PRKCA: variants seen among roughly 807,000 people sequenced by gnomAD.
The protein encoded by PRKCA is protein kinase C alpha.
Under a neutral mutation model 87.0 loss-of-function variants are expected in PRKCA, and 27 were observed. The observed-to-expected ratio is 0.31, with a 90% CI of 0.23 to 0.43. The LOEUF (loss-of-function observed/expected upper bound fraction) is 0.43. Ranked by LOEUF, PRKCA falls within the 20% of genes least tolerant of loss-of-function variation. The pLI, the probability that PRKCA is intolerant of heterozygous loss-of-function variation, is 1.00. For synonymous variants in PRKCA, 329 were observed against 311.1 expected, an observed-to-expected ratio of 1.06 and a Z score of -0.61; for missense variants, 518 against 852.3, an observed-to-expected ratio of 0.61 and a Z score of 4.88.
chr17:66,511,829 C>T (rs1917244568), intron 3 of PRKCA, among the ~76,000 whole-genome samples: 1 of 151,984 alleles, frequency 6.6e-6, no homozygotes. Flanking sequence ...TACAGGTGCA[C>T]ACCACCACAC....
At chr17:66,731,914 C>T (rs1420726913) in intron 8 of PRKCA, among the ~76,000 whole-genome samples, 1 of 151,000 alleles carries the variant, frequency 6.6e-6, no homozygotes, top group Non-Finnish European at 1.5e-5. Context: ...CTCAGCCTCC[C>T]ACGTAGCTGG....
chr17:66,443,992 C>T (rs1271475183), intron 2 of PRKCA, among the ~76,000 whole-genome samples: 1 of 152,128 alleles, frequency 6.6e-6, no homozygotes, highest in Non-Finnish European at 1.5e-5. Flanking sequence ...CTCCGCCTCA[C>T]GAGCCTCAGA....
intron 3 of PRKCA, among the ~76,000 whole-genome samples, chr17:66,584,375 C>T (rs959248676): frequency 1.3e-5 from 2 of 152,058 alleles, no homozygotes; most frequent in African/African-American, 4.8e-5. Context: ...GTGCCCGCCA[C>T]CATGCCCAGC....
intron 2 of PRKCA, among the ~76,000 whole-genome samples, chr17:66,490,873 T>C (rs1346888615): frequency 6.6e-6 from 1 of 152,212 alleles, no homozygotes; most frequent in African/African-American, 2.4e-5. Flanking sequence ...GACCCACCGC[T>C]CCTGGCTGTA....
chr17:66,546,217 G>A (rs1968140858), intron 3 of PRKCA, among the ~76,000 whole-genome samples: 1 of 152,164 alleles, frequency 6.6e-6, no homozygotes, highest in South Asian at 2.1e-4. Context: ...CCTTTTATTT[G>A]CATTCAGTTC....
intron 3 of PRKCA, among the ~76,000 whole-genome samples, chr17:66,557,816 A>G (rs959634510): frequency 2.6e-5 from 4 of 152,092 alleles, no homozygotes; most frequent in Non-Finnish European, 4.4e-5. Flanking sequence ...CAGATTTTCT[A>G]CAGGCCTGTG....
intron 2 of PRKCA, among the ~76,000 whole-genome samples, chr17:66,373,202 A>AT (rs1909216885): frequency 6.6e-6 from 1 of 152,248 alleles, no homozygotes; most frequent in Non-Finnish European, 1.5e-5. Flanking sequence ...GTGAACAAGC[A>AT]TGTTAAAGAA....
chr17:66,418,782 C>T (rs905853376), intron 2 of PRKCA, among the ~76,000 whole-genome samples: 5 of 144,644 alleles, frequency 3.5e-5, no homozygotes, highest in Admixed American at 3.5e-4. Context: ...GAGGGAGTCT[C>T]ACTCTGTTGC....
intron 3 of PRKCA, among the ~76,000 whole-genome samples, chr17:66,630,149 A>G (rs958886778): frequency 2.6e-5 from 4 of 152,220 alleles, no homozygotes; most frequent in South Asian, 4.1e-4. Context: ...AGTACCCCCA[A>G]TTGAATGGGC....
In PRKCA at chr17:66,700,539, T is replaced by C. The variant is rs567580070; in HGVS notation, c.918+11492T>C. 2.2e-4 allele frequency among the ~76,000 whole-genome samples: 34 copies of C among 152,274 alleles called. No homozygotes were observed. The South Asian group carries it at 4.6e-3, about 20-fold the overall frequency. ...TGCAGATGACATGATCATATATATA[T>C]ATAGAAGACCTTAAAGACACCACCA... On this transcript the variant is annotated intron_variant, in intron 8 of 16. Coordinates refer to ENST00000413366, the MANE Select transcript of PRKCA (RefSeq NM_002737.3).
chr17:66,785,727 A>G (rs948323860), intron 14 of PRKCA, among the ~76,000 whole-genome samples: 1 of 152,216 alleles, frequency 6.6e-6, no homozygotes, highest in African/African-American at 2.4e-5. Context: ...TGTCTTAAAT[A>G]ATAATACTGC....
At chr17:66,505,397 G>T (rs1019678038) in intron 3 of PRKCA, among the ~76,000 whole-genome samples, 3 of 152,108 alleles carry the variant, frequency 2.0e-5, no homozygotes, top group African/African-American at 7.2e-5. Context: ...AATGCGCGAC[G>T]TAATTACAAA....
chr17:66,427,751 T>C (rs974678643), intron 2 of PRKCA, among the ~76,000 whole-genome samples: 7 of 152,194 alleles, frequency 4.6e-5, no homozygotes, highest in East Asian at 1.9e-4. Context: ...GCAATTTCAA[T>C]GTGGTGGTGA....
intron 8 of PRKCA, among the ~76,000 whole-genome samples, chr17:66,732,273 T>G (rs1402914178): frequency 2.0e-5 from 3 of 152,222 alleles, no homozygotes; most frequent in Non-Finnish European, 4.4e-5. Context: ...TTTTCCTTTA[T>G]GCAGATTAAT....
Position 66,456,644 on chromosome 17 carries a change from C to T in PRKCA, c.206-39557C>T, listed in dbSNP as rs141524729. Among the ~76,000 whole-genome samples, 824 of 152,286 alleles carry T rather than the reference C, an allele frequency of 5.4e-3. 3 individuals are homozygous for T. The highest frequency in any genetic ancestry group is 9.0e-3 in the Non-Finnish European group (610 of 68,022). On this transcript the variant is annotated intron_variant, in intron 2 of 16. Transcript: ENST00000413366. ...GTGCTGCTTCCAGCTCCCTTCTCTG[C>T]TGTTGGAGATTATTTGGGGACTGAC...
chr17:66,707,924 T>C (rs1174946195), intron 8 of PRKCA, among the ~76,000 whole-genome samples: 1 of 152,212 alleles, frequency 6.6e-6, no homozygotes, highest in Non-Finnish European at 1.5e-5. Flanking sequence ...GAAAAGATTA[T>C]GGCTCGCCTG....
intron 2 of PRKCA, among the ~76,000 whole-genome samples, chr17:66,414,372 C>T (rs1400544648): frequency 1.3e-5 from 2 of 152,202 alleles, no homozygotes; most frequent in Non-Finnish European, 2.9e-5. Flanking sequence ...AAATGCCTCC[C>T]TCCCGCTTTG....
At chr17:66,651,732 G>A (rs1457761347) in intron 5 of PRKCA, among the ~76,000 whole-genome samples, 1 of 152,154 alleles carries the variant, frequency 6.6e-6, no homozygotes, top group Non-Finnish European at 1.5e-5. Context: ...GAGAGGGAGA[G>A]GGTGCTGGCA....
chr17:66,340,479 C>T (rs1313361506), intron 2 of PRKCA, among the ~76,000 whole-genome samples: 1 of 150,152 alleles, frequency 6.7e-6, no homozygotes, highest in East Asian at 2.0e-4. Context: ...AGACAGGGGT[C>T]CATAAGGGCT....
Sources: gnomAD v4.1 joint callset for allele counts (sites outside exome capture counted in the v4.1 genomes callset) on GRCh38, gnomAD v4.1.1 for gene constraint, MANE v1.5 for transcripts, NCBI Gene and HGNC (gene_info 2026-07-23, HGNC 2026-07-21) for gene names.